Variants in HDAC9 observed in about 807,000 individuals in gnomAD.
HDAC9 encodes the protein histone deacetylase 9, also known as MEF-2 interacting transcription repressor (MITR) protein.
Under a neutral mutation model 139.4 loss-of-function variants are expected in HDAC9, and 41 were observed. That is an observed-to-expected ratio of 0.29 (90% confidence interval 0.23 to 0.38). The LOEUF (loss-of-function observed/expected upper bound fraction) is 0.38. HDAC9 is among the 10% of genes least tolerant of loss of function. The probability of loss-of-function intolerance (pLI) is 1.00; values close to 1 mark genes in which losing one functional copy is unlikely to be tolerated. For missense variants in HDAC9, 1,147 were observed against 1,297.0 expected, an observed-to-expected ratio of 0.88 and a Z score of 1.78; for synonymous variants, 517 against 476.2, an observed-to-expected ratio of 1.09 and a Z score of -1.12.
intron 25 of HDAC9, among the ~76,000 whole-genome samples, chr7:18,991,591 G>A (rs4721738): frequency 6.6e-6 from 1 of 151,584 alleles, no homozygotes; most frequent in South Asian, 2.1e-4. Flanking sequence ...GAGCGGAGAT[G>A]GTGCCATTGC....
chr7:18,879,361 C>G (rs888227493), intron 22 of HDAC9, among the ~76,000 whole-genome samples: 2 of 152,080 alleles, frequency 1.3e-5, no homozygotes, highest in Non-Finnish European at 1.5e-5. Context: ...TAAGGCAATC[C>G]TAAGCGAAAA....
At chr7:18,180,220 GACACATACACACACACACACACAC>G (rs1444400742) in intron 2 of HDAC9, among the ~76,000 whole-genome samples, 3 of 91,054 alleles carry the variant, frequency 3.3e-5, no homozygotes, top group Admixed American at 1.2e-4. Flanking sequence ...CCCTCCCCAA[GACACATACACACACACACACACAC>G]ACACACACAC....
At position 18,199,746 on chromosome 7, in the gene HDAC9, G is replaced by C. The variant is rs920914633; in HGVS notation, c.25+37397G>C. 9.5e-5 allele frequency among the ~76,000 whole-genome samples: 11 copies of C among 116,210 alleles called. No individual in the cohort carries two copies. The Admixed American group carries it at 1.2e-3, about 13-fold the overall frequency. 76.2% of individuals were successfully genotyped at this position (116,210 alleles called of 152,430 possible). ...AGCCTGGACAACATAGTGAAGTCAT[G>C]TGTCTACCAAAAAAAAAAAAAAAAA... On this transcript the variant is annotated intron_variant, in intron 2 of 12. Transcript: ENST00000417496.
Position 18,996,186 on chromosome 7 carries a change from G to A in HDAC9, c.*124G>A. 1.6e-6 allele frequency: 1 copy of A among 636,706 alleles called. No homozygotes were observed. The highest frequency in any genetic ancestry group is 2.7e-6 in the Non-Finnish European group (1 of 367,650). The allele number at this position is 636,706 out of a possible 1,614,324, so 39.4% of individuals were successfully genotyped here. A position where few individuals can be genotyped will look rare whatever the true frequency, so the allele number is the denominator to read the frequency against. On this transcript the variant is annotated 3_prime_UTR_variant, in exon 26 of 26. Transcript: ENST00000686413. The stretch of plus-strand genomic sequence containing the variant: ...ACAGATTCAATGGAACATAAACACT[G>A]GGCACAAAATTCTGAACAGCAGCTT...
At chr7:18,474,834 G>T (rs1794990591) in intron 1 of HDAC9, among the ~76,000 whole-genome samples, 1 of 152,038 alleles carries the variant, frequency 6.6e-6, no homozygotes, top group Non-Finnish European at 1.5e-5. Flanking sequence ...GGAAGAAAGA[G>T]AGGAGAGGAG....
rs1836530806 is a variant in HDAC9, at chr7:18,609,639, T to TA, written c.664+15610_664+15611insA. Among the ~76,000 whole-genome samples the TA allele has an allele frequency of 3.3e-5, 5 of 152,036 alleles. No individual in the cohort carries two copies. The South Asian group carries it at 6.2e-4, about 19-fold the overall frequency. ...CGTTAATTTTTTAAATATATATATA[T>TA]TTTTATTTTACTTTAAGTTGTAGGG... On this transcript the variant is annotated intron_variant, in intron 6 of 25. Transcript: ENST00000686413.
chr7:18,335,879 T>A (rs1021191869), intron 1 of HDAC9, among the ~76,000 whole-genome samples: 1 of 151,594 alleles, frequency 6.6e-6, no homozygotes, highest in Non-Finnish European at 1.5e-5. Flanking sequence ...CCATAAATAA[T>A]GGCAAGTGTA....
chr7:18,362,050 G>C (rs532562890), intron 1 of HDAC9, among the ~76,000 whole-genome samples: 16 of 152,308 alleles, frequency 1.1e-4, no homozygotes, highest in South Asian at 8.3e-4. Context: ...AGTCACCAGA[G>C]GGGGAGCAAA....
intron 1 of HDAC9, among the ~76,000 whole-genome samples, chr7:18,302,178 A>G (rs1798581086): frequency 6.6e-6 from 1 of 152,280 alleles, no homozygotes. Context: ...ATTCCAGTCT[A>G]CTTGTTTGTT....
intron 16 of HDAC9, among the ~76,000 whole-genome samples, chr7:18,769,156 C>G (rs1047673303): frequency 2.0e-5 from 3 of 152,138 alleles, no homozygotes; most frequent in African/African-American, 7.2e-5. Flanking sequence ...GAGGCCATCT[C>G]CCTAGGACTC....
intron 2 of HDAC9, among the ~76,000 whole-genome samples, chr7:18,182,740 C>G (rs747918960): frequency 1.2e-4 from 19 of 152,122 alleles, no homozygotes; most frequent in Admixed American, 7.2e-4. Context: ...TACCTTAATT[C>G]CAGAGTTTGT....
In HDAC9 at chr7:19,000,639, A is replaced by G. The variant is rs530458396; in HGVS notation, c.*4577A>G. On this transcript the variant is annotated 3_prime_UTR_variant, in exon 26 of 26. Coordinates refer to ENST00000686413, the MANE Select transcript of HDAC9 (RefSeq NM_178425.4). ...CAGACAATGAAACCTTAGACTTTTG[A>G]TTGGGGCTGTTTGGACTTGATCCAA... 4 of 152,192 alleles carry G rather than the reference A, an allele frequency of 2.6e-5. No homozygotes were observed. The highest frequency in any genetic ancestry group is 2.9e-5 in the Non-Finnish European group (2 of 68,030). The allele number at this position is 152,192 out of a possible 1,614,324, so 9.4% of individuals were successfully genotyped here. A position where few individuals can be genotyped will look rare whatever the true frequency, so the allele number is the denominator to read the frequency against.
chr7:18,863,279 A>T (rs1798245548), intron 21 of HDAC9, among the ~76,000 whole-genome samples: 1 of 152,162 alleles, frequency 6.6e-6, no homozygotes, highest in East Asian at 1.9e-4. Flanking sequence ...ATAACATTCA[A>T]CAACTATTTA....
In HDAC9 at chr7:18,989,759, ATGC is replaced by A. The variant is rs1416224224; in HGVS notation, c.3171-6262_3171-6260del. Among the ~76,000 whole-genome samples the A allele has an allele frequency of 2.3e-4, 18 of 77,168 alleles. 1 individual carries two copies. The highest frequency in any genetic ancestry group is 1.0e-3 in the African/African-American group (18 of 17,950). The allele number at this position is 77,168 out of a possible 152,430, so 50.6% of individuals were successfully genotyped here. On this transcript the variant is annotated intron_variant, in intron 25 of 25. Transcript: ENST00000686413. ...TTGGAGGCTTTGCTCATTTCTTCTT[ATGC>A]TTTTTTCTCTAAACTTCCCTTCTCG... is the stretch of plus-strand genomic sequence containing the variant.
intron 1 of HDAC9, among the ~76,000 whole-genome samples, chr7:18,292,075 A>G (rs1797844577): frequency 6.6e-6 from 1 of 152,168 alleles, no homozygotes; most frequent in African/African-American, 2.4e-5. Context: ...GGATGGCAAC[A>G]AATGGATGGT....
At chr7:18,100,815 C>T (rs140186513) in intron 1 of HDAC9, among the ~76,000 whole-genome samples, 5 of 152,000 alleles carry the variant, frequency 3.3e-5, no homozygotes, top group Non-Finnish European at 5.9e-5. Context: ...TGCCAGACAT[C>T]GTGAATTGTA....
chr7:18,215,277 A>G (rs973253947), intron 2 of HDAC9, among the ~76,000 whole-genome samples: 4 of 152,164 alleles, frequency 2.6e-5, no homozygotes, highest in African/African-American at 9.7e-5. Context: ...ATATCATTAG[A>G]TGAGAGACAT....
chr7:18,217,831 A>G (rs987485817), intron 2 of HDAC9, among the ~76,000 whole-genome samples: 1 of 152,228 alleles, frequency 6.6e-6, no homozygotes, highest in African/African-American at 2.4e-5. Context: ...TAAAATGACA[A>G]ACATTAATTT....
chr7:18,251,199 C>A (rs1322907967), intron 2 of HDAC9, among the ~76,000 whole-genome samples: 1 of 152,102 alleles, frequency 6.6e-6, no homozygotes, highest in African/African-American at 2.4e-5. Flanking sequence ...AGATCATGTC[C>A]TTTGCAGGGA....
Sources: allele counts gnomAD v4.1 joint callset (sites outside exome capture counted in the v4.1 genomes callset), GRCh38; gene constraint gnomAD v4.1.1; transcripts MANE v1.5; gene names NCBI Gene and HGNC (gene_info 2026-07-23, HGNC 2026-07-21).